Variants in DCUN1D2 observed in about 807,000 individuals in gnomAD.
DCUN1D2 encodes defective in cullin neddylation 1 domain containing 2, also known as DCN1-like protein 2.
DCUN1D2 carries 29 observed loss-of-function variants against 30.9 expected under a neutral mutation model. The observed-to-expected ratio is 0.94, with a 90% CI of 0.70 to 1.28. The LOEUF (loss-of-function observed/expected upper bound fraction) is 1.28. Ranked by LOEUF, DCUN1D2 falls within the 50% of genes most tolerant of loss-of-function variation. The pLI is 0.00. For synonymous variants in DCUN1D2, 121 were observed against 115.3 expected, an observed-to-expected ratio of 1.05 and a Z score of -0.32; for missense variants, 325 against 316.9, an observed-to-expected ratio of 1.03 and a Z score of -0.19.
rs183252839 is a variant in DCUN1D2, at chr13:113,456,288, C to T, written c.*1741G>A. 302 of 398,818 alleles carry T rather than the reference C, an allele frequency of 7.6e-4. 3 individuals carry two copies. The East Asian group carries it at 0.011, about 14-fold the overall frequency. 24.7% of individuals were successfully genotyped at this position (398,818 alleles called of 1,614,324 possible). On this transcript the variant is annotated 3_prime_UTR_variant, in exon 7 of 7. Coordinates refer to ENST00000478244, the MANE Select transcript of DCUN1D2 (RefSeq NM_001014283.2). ...GCGGGGGCCAGGCGGGGTCTGCAGG[C>T]TGCAGGTCCCTTCCAGTCCTGTCCC... is the stretch of plus-strand genomic sequence containing the variant.
At chr13:113,480,811 GA>G in intron 2 of DCUN1D2, 68 bp from the exon 3 acceptor site, 7 of 1,536,332 alleles carry the variant, frequency 4.6e-6, no homozygotes, top group Admixed American at 1.7e-5. Flanking sequence ...TAGGAGGTTT[GA>G]ATCCTAGCAT....
chr13:113,482,495 G>T (rs529950580), intron 2 of DCUN1D2, among the ~76,000 whole-genome samples: 20 of 152,184 alleles, frequency 1.3e-4, no homozygotes, highest in African/African-American at 4.6e-4. Flanking sequence ...CATTCTTTGG[G>T]AACTACAATA....
Position 113,490,487 on chromosome 13 carries a change from C to T in DCUN1D2, c.3+180G>A. The T allele has an allele frequency of 1.6e-6, 1 of 633,074 alleles. No individual in the cohort carries two copies. The highest frequency in any genetic ancestry group is 2.3e-6 in the Non-Finnish European group (1 of 441,484). The allele number at this position is 633,074 out of a possible 1,614,324, so 39.2% of individuals were successfully genotyped here. A position where few individuals can be genotyped will look rare whatever the true frequency, so the allele number is the denominator to read the frequency against. On this transcript the variant is annotated intron_variant, in intron 1 of 6. Coordinates refer to ENST00000478244, the MANE Select transcript of DCUN1D2 (RefSeq NM_001014283.2). This position sits in a 1 kb window ranked among gnomAD's most constrained non-coding sequence, Gnocchi z 5.2. Reference sequence around the variant, plus strand: ...AACCCGCGCTCCCCGCGGTCCCGCGCCTCCGACGCCACCGCTCCGGCTCGC... The same window carrying T: ...AACCCGCGCTCCCCGCGGTCCCGCGTCTCCGACGCCACCGCTCCGGCTCGC...
chr13:113,459,280 C>A, intron 6 of DCUN1D2, 32 bp downstream of exon 6: 1 of 1,183,490 alleles, frequency 8.4e-7, no homozygotes, highest in South Asian at 1.2e-5. Flanking sequence ...GTAAGCATTT[C>A]GGTCAATCAT....
intron 2 of DCUN1D2, 53 bp from the exon 3 acceptor site, chr13:113,480,796 T>C: frequency 6.3e-7 from 1 of 1,583,800 alleles, no homozygotes; most frequent in Non-Finnish European, 8.7e-7. Flanking sequence ...AAAGTAATTC[T>C]AAAATAGGAG....
rs770442183 is a variant in DCUN1D2, at chr13:113,458,069, G to C, written c.740C>G (p.Ala247Gly). 6.2e-7 allele frequency: 1 copy of C among 1,614,130 alleles called. No individual in the cohort carries two copies. The highest frequency in any genetic ancestry group is 2.2e-5 in the East Asian group (1 of 44,888). Reference protein sequence around the residue: ...PVLIDDFVEYARPVVTGGKRS... With the variant: ...PVLIDDFVEYGRPVVTGGKRS... Reference sequence around the variant, plus strand: ...TTTTCCACCTGTGACTACTGGCCGTGCATATTCTACAAAATCATCTATAAG... The same window carrying C: ...TTTTCCACCTGTGACTACTGGCCGTCCATATTCTACAAAATCATCTATAAG... The change falls in exon 7 of 7, where the codon GCA (alanine) becomes GGA (glycine). Residue 247 changes from alanine to glycine, a missense_variant. Physicochemically the swap from Ala to Gly is moderately conservative, Grantham distance 60 (BLOSUM62 0). Coordinates refer to ENST00000478244, the MANE Select transcript of DCUN1D2 (RefSeq NM_001014283.2).
rs1435977018 is a variant in DCUN1D2, at chr13:113,477,318, A to C, written c.390-3064T>G. On this transcript the variant is annotated intron_variant, in intron 3 of 6. Transcript: ENST00000478244. ...CTTTCCTGTCTCTCGATGAATTACTATTTTCTCTATGGGAGTATCACACAT... is the reference window on the plus strand; with the variant it reads ...CTTTCCTGTCTCTCGATGAATTACTCTTTTCTCTATGGGAGTATCACACAT... 5.9e-5 allele frequency among the ~76,000 whole-genome samples: 9 copies of C among 152,198 alleles called. 1 individual carries two copies. Among genetic ancestry groups the C allele is most frequent in the Middle Eastern group, 6.8e-3 (2 of 294 alleles).
At chr13:113,473,677 G>T (rs1242789463) in intron 4 of DCUN1D2, among the ~76,000 whole-genome samples, 2 of 152,228 alleles carry the variant, frequency 1.3e-5, no homozygotes, top group African/African-American at 4.8e-5. Context: ...ACAGAGCAAA[G>T]TGTGGAGAAG....
At chr13:113,480,986 T>C (rs1280988673) in intron 2 of DCUN1D2, among the ~76,000 whole-genome samples, 1 of 146,244 alleles carries the variant, frequency 6.8e-6, no homozygotes, top group African/African-American at 2.6e-5. Context: ...AAAAAAAAAA[T>C]CACTGAATTT....
chr13:113,489,562 G>C (rs2044885000), intron 1 of DCUN1D2, among the ~76,000 whole-genome samples: 1 of 151,886 alleles, frequency 6.6e-6, no homozygotes, highest in South Asian at 2.1e-4. Flanking sequence ...AGTCTCCTTT[G>C]TGGCTCTTCT....
intron 4 of DCUN1D2, among the ~76,000 whole-genome samples, chr13:113,468,581 G>T (rs113705733): frequency 1.6e-4 from 25 of 152,106 alleles, no homozygotes; most frequent in African/African-American, 6.0e-4. Flanking sequence ...CTCCTGACTG[G>T]TTTAAACGCG....
At chr13:113,487,519 C>G (rs1053431017) in intron 1 of DCUN1D2, among the ~76,000 whole-genome samples, 2 of 152,064 alleles carry the variant, frequency 1.3e-5, no homozygotes, top group African/African-American at 2.4e-5. Flanking sequence ...CAGTGTACGA[C>G]TCCAGCCACA....
At chr13:113,458,483 G>A (rs757474815) in intron 6 of DCUN1D2, among the ~76,000 whole-genome samples, 6 of 152,190 alleles carry the variant, frequency 3.9e-5, no homozygotes, top group Admixed American at 2.6e-4. Context: ...TCCCTCCTGC[G>A]GCTCTTCCCA....
chr13:113,465,849 AT>A (rs1392971394), intron 4 of DCUN1D2, among the ~76,000 whole-genome samples: 2 of 149,374 alleles, frequency 1.3e-5, no homozygotes, highest in Non-Finnish European at 3.0e-5. Context: ...GTATGTATGT[AT>A]GTGTGTGTAT....
Position 113,483,886 on chromosome 13 carries a change from G to A in DCUN1D2, c.174C>T (p.Asn58=). The A allele has an allele frequency of 9.9e-6, 16 of 1,613,510 alleles. No individual in the cohort carries two copies. Among genetic ancestry groups the A allele is most frequent in the Non-Finnish European group, 1.3e-5 (15 of 1,180,050 alleles). ...PDSLHRESMR[N]AVDKKKLERL... ...GCTCCAGCTTCTTCTTGTCCACAGCGTTCCGCATGGACTCCCTGTGGAGCG... is the reference window on the plus strand; with the variant it reads ...GCTCCAGCTTCTTCTTGTCCACAGCATTCCGCATGGACTCCCTGTGGAGCG... The change falls in exon 2 of 7, where the codon AAC becomes AAT. Residue 58 remains asparagine (N), a synonymous_variant. Coordinates refer to ENST00000478244, the MANE Select transcript of DCUN1D2 (RefSeq NM_001014283.2).
intron 4 of DCUN1D2, among the ~76,000 whole-genome samples, chr13:113,461,457 C>T (rs1317169774): frequency 6.6e-6 from 1 of 152,214 alleles, no homozygotes. Context: ...GATCTGGATA[C>T]TATTAATGCG....
chr13:113,483,859 C>T lies in DCUN1D2; in HGVS notation c.201G>A (p.Arg67=). 6.2e-7 allele frequency: 1 copy of T among 1,612,592 alleles called. No homozygotes were observed. ...RNAVDKKKLE[R]LYGRYKDPQD... is the part of the protein sequence containing the mutation. Reference sequence around the variant, plus strand: ...TCTTACCTTTGTACCTGCCGTACAGCCGCTCCAGCTTCTTCTTGTCCACAG... The same window carrying T: ...TCTTACCTTTGTACCTGCCGTACAGTCGCTCCAGCTTCTTCTTGTCCACAG... Residue 67 remains arginine, a synonymous_variant, in exon 2 of 7, where the codon CGG becomes CGA. Coordinates refer to ENST00000478244, the MANE Select transcript of DCUN1D2 (RefSeq NM_001014283.2).
chr13:113,477,208 G>A (rs2044632502), intron 3 of DCUN1D2, among the ~76,000 whole-genome samples: 1 of 152,114 alleles, frequency 6.6e-6, no homozygotes, highest in African/African-American at 2.4e-5. Flanking sequence ...TTTAAATTGA[G>A]ATCACATTCA....
At chr13:113,482,396 A>G (rs1566505693) in intron 2 of DCUN1D2, among the ~76,000 whole-genome samples, 1 of 152,252 alleles carries the variant, frequency 6.6e-6, no homozygotes, top group Admixed American at 6.5e-5. Flanking sequence ...ATCTGCATAA[A>G]AATCAGCATA....
Sources: allele counts gnomAD v4.1 joint callset (sites outside exome capture counted in the v4.1 genomes callset), GRCh38; gene constraint gnomAD v4.1.1; non-coding constraint Gnocchi (gnomAD v3.1); transcripts MANE v1.5; gene names NCBI Gene and HGNC (gene_info 2026-07-23, HGNC 2026-07-21).